Variants in LARGE1 observed in about 807,000 individuals in gnomAD.
LARGE1 encodes LARGE xylosyl- and glucuronyltransferase 1.
Under a neutral mutation model 87.6 loss-of-function variants are expected in LARGE1, and 43 were observed. The observed-to-expected ratio is 0.49, with a 90% CI of 0.38 to 0.63. The LOEUF (loss-of-function observed/expected upper bound fraction) is 0.63. Among genes scored for constraint, LARGE1 ranks in the 30% least tolerant of loss-of-function variants. The pLI is 0.00. For synonymous variants in LARGE1, 434 were observed against 394.6 expected, an observed-to-expected ratio of 1.10 and a Z score of -1.18; for missense variants, 802 against 1,000.2, an observed-to-expected ratio of 0.80 and a Z score of 2.67.
intron 11 of LARGE1, among the ~76,000 whole-genome samples, chr22:33,253,347 C>T (rs1186234479): frequency 6.6e-6 from 1 of 152,154 alleles, no homozygotes; most frequent in Non-Finnish European, 1.5e-5. Context: ...AAGAGTAGCA[C>T]TATGTGTCTC....
chr22:33,909,831 C>T (rs573567174), intron 1 of LARGE1, among the ~76,000 whole-genome samples: 1 of 152,324 alleles, frequency 6.6e-6, no homozygotes, highest in African/African-American at 2.4e-5. Context: ...AGCCACCACG[C>T]CCGGCCTAAC....
At chr22:33,819,986 G>C (rs1334491467) in intron 1 of LARGE1, among the ~76,000 whole-genome samples, 2 of 152,172 alleles carry the variant, frequency 1.3e-5, no homozygotes, top group African/African-American at 2.4e-5. Context: ...TCAGTGTCTA[G>C]AGCTTGCATG....
At chr22:33,239,375 TTTG>T (rs761978146) in intron 11 of LARGE1, among the ~76,000 whole-genome samples, 134 of 152,078 alleles carry the variant, frequency 8.8e-4, no homozygotes, top group Non-Finnish European at 1.8e-3. Context: ...TCAACAGATT[TTTG>T]TTGTTGTTGT....
At chr22:33,765,066 C>G (rs2084857413) in intron 1 of LARGE1, among the ~76,000 whole-genome samples, 2 of 152,132 alleles carry the variant, frequency 1.3e-5, no homozygotes, top group South Asian at 4.1e-4. Context: ...ATATGTCAAG[C>G]ACTTTTCTAT....
intron 7 of LARGE1, among the ~76,000 whole-genome samples, chr22:33,387,031 G>C (rs2065347262): frequency 6.7e-6 from 1 of 148,566 alleles, no homozygotes; most frequent in Non-Finnish European, 1.5e-5. Flanking sequence ...TTGAATCCAG[G>C]AGGCGGAGGT....
In LARGE1 at chr22:33,766,641, T is replaced by C. The variant is rs561533666; in HGVS notation, c.-82-5083A>G. ...GGTTTCACCATGTTAGCCAGGCTGG[T>C]CTCAAACTCCTGACCTCAGGTGATC... On this transcript the variant is annotated intron_variant, in intron 1 of 14. Transcript: ENST00000397394. 6.6e-3 allele frequency among the ~76,000 whole-genome samples: 996 copies of C among 151,912 alleles called. 3 individuals carry two copies. Among genetic ancestry groups the C allele is most frequent in the Middle Eastern group, 0.024 (7 of 294 alleles).
chr22:33,317,172 C>T (rs1319994511), intron 10 of LARGE1, among the ~76,000 whole-genome samples: 1 of 152,172 alleles, frequency 6.6e-6, no homozygotes, highest in Non-Finnish European at 1.5e-5. Context: ...TGAGATCGCA[C>T]CACTGCCTTC....
intron 11 of LARGE1, among the ~76,000 whole-genome samples, chr22:33,214,914 T>C (rs558264066): frequency 1.3e-4 from 20 of 152,282 alleles, no homozygotes; most frequent in African/African-American, 4.6e-4. Flanking sequence ...GAGTAAAGAC[T>C]TGAGGTGGCC....
chr22:33,780,171 C>T (rs925032878), intron 1 of LARGE1, among the ~76,000 whole-genome samples: 5 of 152,204 alleles, frequency 3.3e-5, no homozygotes, highest in African/African-American at 1.2e-4. Context: ...GTTACAAGGA[C>T]GCTGGTTGTA....
At chr22:33,360,583 G>A (rs1293461596) in intron 9 of LARGE1, among the ~76,000 whole-genome samples, 2 of 149,220 alleles carry the variant, frequency 1.3e-5, no homozygotes, top group African/African-American at 4.9e-5. Flanking sequence ...GATGCGGATG[G>A]TGCTAAACCA....
intron 1 of LARGE1, among the ~76,000 whole-genome samples, chr22:33,765,358 A>G (rs533256391): frequency 2.6e-5 from 4 of 152,112 alleles, no homozygotes; most frequent in South Asian, 2.1e-4. Context: ...GAAATATATC[A>G]TAACTGTTAA....
chr22:33,261,992 A>G (rs1927652319), intron 11 of LARGE1, among the ~76,000 whole-genome samples: 1 of 152,368 alleles, frequency 6.6e-6, no homozygotes, highest in South Asian at 2.1e-4. Context: ...AAGAGAAAAA[A>G]ATAACGGATA....
intron 9 of LARGE1, among the ~76,000 whole-genome samples, chr22:33,352,004 T>A (rs1415837823): frequency 6.6e-6 from 1 of 152,186 alleles, no homozygotes; most frequent in Non-Finnish European, 1.5e-5. Context: ...CCCAAAGTGC[T>A]GGGATTACAG....
chr22:33,477,397 G>A (rs988732645), intron 6 of LARGE1, among the ~76,000 whole-genome samples: 2 of 152,210 alleles, frequency 1.3e-5, no homozygotes, highest in Admixed American at 6.5e-5. Context: ...CTTTGTCAAA[G>A]TCCCTCTTTG....
At chr22:33,553,118 C>T (rs1288541441) in intron 6 of LARGE1, among the ~76,000 whole-genome samples, 1 of 152,154 alleles carries the variant, frequency 6.6e-6, no homozygotes, top group Non-Finnish European at 1.5e-5. Context: ...AATGTGTTTA[C>T]TCCAAGGCCT....
At chr22:33,597,669 A>C (rs1405332513) in intron 5 of LARGE1, among the ~76,000 whole-genome samples, 1 of 152,150 alleles carries the variant, frequency 6.6e-6, no homozygotes, top group East Asian at 1.9e-4. Flanking sequence ...ATTGGGTCTA[A>C]GAGAAAAGGA....
chr22:33,187,860 T>C (rs137400), intron 11 of LARGE1, among the ~76,000 whole-genome samples: 86,827 of 141,608 alleles, frequency 0.61, 26,415 homozygotes, highest in Middle Eastern at 0.69. Flanking sequence ...GGAGGTGGAG[T>C]TTGCAGTGAG....
chr22:33,267,935 C>A (rs1188266423), downstream of LARGE1, among the ~76,000 whole-genome samples: 1 of 150,590 alleles, frequency 6.6e-6, no homozygotes, highest in African/African-American at 2.5e-5. Context: ...TTATGTGGAC[C>A]CATACATAAT....
chr22:33,194,324 C>A (rs1475218232), intron 11 of LARGE1, among the ~76,000 whole-genome samples: 1 of 152,124 alleles, frequency 6.6e-6, no homozygotes, highest in Non-Finnish European at 1.5e-5. Flanking sequence ...TTGCAATCGT[C>A]CTTAACATAT....
Sources: allele counts gnomAD v4.1 joint callset (sites outside exome capture counted in the v4.1 genomes callset), GRCh38; gene constraint gnomAD v4.1.1; transcripts MANE v1.5; gene names NCBI Gene and HGNC (gene_info 2026-07-23, HGNC 2026-07-21).